Variants in UGGT1 observed in about 807,000 individuals in gnomAD.
UGGT1 encodes UDP-glucose glycoprotein glucosyltransferase 1.
Under a neutral mutation model 203.9 loss-of-function variants are expected in UGGT1, and 107 were observed. The ratio of observed to expected loss-of-function variants is 0.52; its 90% CI spans 0.45 to 0.62. The LOEUF is 0.62. UGGT1 is among the 20% of genes least tolerant of loss of function. The pLI is 0.00. For synonymous variants in UGGT1, 628 were observed against 653.5 expected, an observed-to-expected ratio of 0.96 and a Z score of 0.59; for missense variants, 1,673 against 1,867.2, an observed-to-expected ratio of 0.90 and a Z score of 1.92.
chr2:128,161,440 A>T (rs987583529), intron 25 of UGGT1, among the ~76,000 whole-genome samples, 172 bp downstream of exon 25: 13 of 152,222 alleles, frequency 8.5e-5, no homozygotes, highest in Non-Finnish European at 1.9e-4. Context: ...CTGTTGAAAC[A>T]AGATAATTTA....
At chr2:128,106,070 G>C (rs1338950560) in intron 3 of UGGT1, among the ~76,000 whole-genome samples, 1 of 150,696 alleles carries the variant, frequency 6.6e-6, no homozygotes, top group African/African-American at 2.4e-5. Flanking sequence ...CTCCTAAAGT[G>C]ATGGGATTAC....
intron 31 of UGGT1, 111 bp from the exon 32 acceptor site, chr2:128,176,702 TG>T: frequency 1.0e-6 from 1 of 980,624 alleles, no homozygotes; most frequent in East Asian, 2.4e-5. Context: ...AGAAGATAGC[TG>T]GATCTGGAAA....
chr2:128,178,337 TC>T, intron 33 of UGGT1, 130 bp from the exon 34 acceptor site: 1 of 778,638 alleles, frequency 1.3e-6, no homozygotes, highest in Non-Finnish European at 2.1e-6. Context: ...GAGGGAAGCT[TC>T]ATAACCACTC....
chr2:128,107,737 C>T (rs190909664), intron 3 of UGGT1, among the ~76,000 whole-genome samples: 33 of 152,182 alleles, frequency 2.2e-4, no homozygotes, highest in Admixed American at 1.3e-4. Context: ...GGGAATAGTT[C>T]GAAAGGTGAG....
In UGGT1 at chr2:128,091,265, C is replaced by T. The variant is rs1205838148; in HGVS notation, c.-93C>T. 6.0e-6 allele frequency: 8 copies of T among 1,335,550 alleles called. No individual in the cohort carries two copies. Among genetic ancestry groups the T allele is most frequent in the Non-Finnish European group, 7.9e-6 (8 of 1,007,330 alleles). The allele number at this position is 1,335,550 out of a possible 1,614,324, so 82.7% of individuals were successfully genotyped here. The stretch of plus-strand genomic sequence containing the variant: ...CCGCGGGAAAGGCGCGTGTCGGCCT[C>T]TCACTGGCGCAGCCTGCACTGCCGC... On this transcript the variant is annotated 5_prime_UTR_variant, in exon 1 of 41. Transcript: ENST00000259253.
chr2:128,114,129 T>A (rs1687988775), intron 6 of UGGT1, among the ~76,000 whole-genome samples: 2 of 152,264 alleles, frequency 1.3e-5, no homozygotes, highest in Admixed American at 1.3e-4. Flanking sequence ...TTGATTTATT[T>A]ATTTTTGAGA....
At position 128,159,666 on chromosome 2, in the gene UGGT1, G is replaced by A; in HGVS notation, c.2508G>A (p.Glu836=). ...ACTTCATCACCAAAATGGCCAAGGA[G>A]GGGGCTGCAGAGGCCCTGGCTGCAG... The part of the protein sequence containing the change: ...AKNFITKMAK[E]GAAEALAAGA... Residue 836 remains glutamate, a synonymous_variant, in exon 23 of 41, where the codon GAG becomes GAA. Transcript: ENST00000259253. 3 of 1,614,136 alleles carry A rather than the reference G, an allele frequency of 1.9e-6. No individual in the cohort carries two copies. Among genetic ancestry groups the A allele is most frequent in the Non-Finnish European group, 2.5e-6 (3 of 1,180,018 alleles).
chr2:128,145,350 T>C (rs1378484626), intron 17 of UGGT1, among the ~76,000 whole-genome samples: 2 of 152,204 alleles, frequency 1.3e-5, no homozygotes, highest in Non-Finnish European at 2.9e-5. Context: ...TTTCAGGTGC[T>C]CAGTAGTTAC....
intron 11 of UGGT1, among the ~76,000 whole-genome samples, chr2:128,125,356 C>A (rs1264817013): frequency 6.6e-6 from 1 of 152,270 alleles, no homozygotes; most frequent in East Asian, 1.9e-4. Context: ...TCTTAAAGGG[C>A]TTTATATCAG....
chr2:128,092,321 CTTATTTAT>C (rs143592868), intron 1 of UGGT1, among the ~76,000 whole-genome samples: 16 of 145,534 alleles, frequency 1.1e-4, no homozygotes, highest in Non-Finnish European at 1.8e-4. Context: ...TAAAAAAATT[CTTATTTAT>C]TTATTTATTT....
intron 18 of UGGT1, among the ~76,000 whole-genome samples, chr2:128,149,800 A>G (rs1473098810): frequency 6.7e-6 from 1 of 149,614 alleles, no homozygotes; most frequent in Non-Finnish European, 1.5e-5. Flanking sequence ...AAAAAAAAAA[A>G]TAATAATAAT....
chr2:128,174,459 C>T (rs528794302), intron 30 of UGGT1, among the ~76,000 whole-genome samples: 4 of 152,062 alleles, frequency 2.6e-5, no homozygotes, highest in Admixed American at 6.5e-5. Flanking sequence ...CCACCATGCC[C>T]GGCTAATTTT....
chr2:128,095,398 T>G, intron 1 of UGGT1, among the ~76,000 whole-genome samples: 1 of 146,212 alleles, frequency 6.8e-6, no homozygotes, highest in Admixed American at 6.9e-5. Flanking sequence ...CCCCTTCTCC[T>G]TCCCCTTCCC....
chr2:128,188,560 G>A (rs567799217), intron 40 of UGGT1, among the ~76,000 whole-genome samples: 2 of 152,294 alleles, frequency 1.3e-5, no homozygotes, highest in East Asian at 1.9e-4. Context: ...AAATTGTCAC[G>A]TAATAATTGT....
rs566517560 is a variant in UGGT1, at chr2:128,161,253, G to A, written c.2810G>A (p.Arg937Gln). Residue 937 changes from arginine to glutamine, a missense_variant, in exon 25 of 41, where the codon CGG (arginine) becomes CAG (glutamine). Transcript: ENST00000259253. ...ATAAAATCTCATATTCAACAGCTTC[G>A]GGTAGAAGAAGATGTGTAAGTTTTG... is the stretch of plus-strand genomic sequence containing the variant. ...QKIKSHIQQLRVEEDVASDLV... is the reference protein window; with the variant it reads ...QKIKSHIQQLQVEEDVASDLV... 2.7e-5 allele frequency: 44 copies of A among 1,613,522 alleles called. 2 individuals are homozygous for A. In the South Asian group the frequency reaches 2.9e-4, roughly 10 times the overall value.
chr2:128,179,871 G>A lies in UGGT1; in HGVS notation c.3900+1G>A. 3 of 1,611,474 alleles carry A rather than the reference G, an allele frequency of 1.9e-6. No individual in the cohort carries two copies. The highest frequency in any genetic ancestry group is 2.5e-6 in the Non-Finnish European group (3 of 1,178,050). ...GAATTACTTGTCCCCCACATTTAAG[G>A]TTTGTTTCACAGAGAAAGGGAAAAC... On this transcript the variant is annotated splice_donor_variant, in intron 35 of 40. Transcript: ENST00000259253. LOFTEE classifies it high-confidence loss of function.
chr2:128,166,944 C>T (rs773346956), intron 26 of UGGT1, among the ~76,000 whole-genome samples: 22 of 152,112 alleles, frequency 1.4e-4, no homozygotes, highest in East Asian at 5.8e-4. Context: ...ATCAGGTGTG[C>T]GTGGTGAGAT....
intron 22 of UGGT1, among the ~76,000 whole-genome samples, chr2:128,159,103 T>TG (rs1434917710): frequency 8.3e-6 from 1 of 120,878 alleles, no homozygotes; most frequent in Non-Finnish European, 1.8e-5. Context: ...CTTTTTTTTT[T>TG]TTTTTTTTTT....
intron 32 of UGGT1, among the ~76,000 whole-genome samples, chr2:128,177,396 C>G (rs1691451852): frequency 6.6e-6 from 1 of 152,126 alleles, no homozygotes; most frequent in South Asian, 2.1e-4. Context: ...AAAATGGTCA[C>G]TGTACTGCCA....
Sources: allele counts gnomAD v4.1 joint callset (sites outside exome capture counted in the v4.1 genomes callset), GRCh38; gene constraint gnomAD v4.1.1; transcripts MANE v1.5; gene names NCBI Gene and HGNC (gene_info 2026-07-23, HGNC 2026-07-21).